The following MYO5C variants were observed in gnomAD, a reference collection of about 807,000 sequenced individuals.
The protein encoded by MYO5C is myosin VC.
MYO5C carries 194 observed loss-of-function variants against 235.7 expected under a neutral mutation model. The observed-to-expected ratio is 0.82, with a 90% CI of 0.73 to 0.93. The LOEUF is 0.93. MYO5C is among the 40% of genes least tolerant of loss of function. MYO5C has a pLI of 0.00. For synonymous variants in MYO5C, 707 were observed against 754.8 expected, an observed-to-expected ratio of 0.94 and a Z score of 1.04; for missense variants, 2,038 against 2,127.2, an observed-to-expected ratio of 0.96 and a Z score of 0.82.
intron 32 of MYO5C, among the ~76,000 whole-genome samples, chr15:52,215,670 G>A (rs929484165): frequency 2.6e-5 from 4 of 152,022 alleles, no homozygotes; most frequent in East Asian, 1.9e-4. Context: ...CTAATAAAAT[G>A]GGTCACCCAT....
At chr15:52,219,852 G>A (rs186611026) in intron 30 of MYO5C, 30 bp from the exon 31 acceptor site, 25 of 1,545,900 alleles carry the variant, frequency 1.6e-5, no homozygotes, top group Middle Eastern at 1.7e-4. Context: ...CAGTACTTTG[G>A]GGGGGCACAT....
At chr15:52,195,870 C>T (rs1056539196) in intron 39 of MYO5C, among the ~76,000 whole-genome samples, 4 of 150,836 alleles carry the variant, frequency 2.7e-5, no homozygotes, top group African/African-American at 9.8e-5. Context: ...ATGATCATGG[C>T]TCACTGCAGC....
At chr15:52,226,542 G>A (rs890788947) in intron 25 of MYO5C, among the ~76,000 whole-genome samples, 57 of 152,222 alleles carry the variant, frequency 3.7e-4, no homozygotes, top group African/African-American at 1.2e-3. Flanking sequence ...TCTACAGAGA[G>A]TAAGCAGGAG....
chr15:52,221,213 G>C lies in MYO5C; in HGVS notation c.3670C>G (p.Gln1224Glu). ...AGGCGGATTTCAAGATCTTGCTTCTGTTTCTCCAATTCTGAAATTTGCTGT... is the reference window on the plus strand; with the variant it reads ...AGGCGGATTTCAAGATCTTGCTTCTCTTTCTCCAATTCTGAAATTTGCTGT... ...FKQQISELEKQKQDLEIRLNE... is the reference protein window; with the variant it reads ...FKQQISELEKEKQDLEIRLNE... Residue 1224 changes from glutamine (Q) to glutamate (E), a missense_variant, in exon 30 of 41, where the codon CAG (glutamine) becomes GAG (glutamate). Gln to Glu is a conservative substitution (Grantham distance 29). Coordinates refer to ENST00000261839, the MANE Select transcript of MYO5C (RefSeq NM_018728.4). The C allele has an allele frequency of 6.2e-7, 1 of 1,613,042 alleles. No individual in the cohort carries two copies. The highest frequency in any genetic ancestry group is 8.5e-7 in the Non-Finnish European group (1 of 1,179,474).
chr15:52,234,899 G>A lies in MYO5C; in HGVS notation c.2962+771C>T, dbSNP rs142695866. Among the ~76,000 whole-genome samples the A allele has an allele frequency of 2.6e-5, 4 of 152,280 alleles. No homozygotes were observed. In the East Asian group the frequency reaches 7.7e-4, roughly 29 times the overall value. Reference sequence around the variant, plus strand: ...AGAATCCCCAGGCCTGAACCCTCGTGTTCCTGCTGCCCCCACGTTGGAGCT... The same window carrying A: ...AGAATCCCCAGGCCTGAACCCTCGTATTCCTGCTGCCCCCACGTTGGAGCT... On this transcript the variant is annotated intron_variant, in intron 23 of 40. Transcript: ENST00000261839.
intron 26 of MYO5C, 67 bp from the exon 27 acceptor site, chr15:52,225,205 C>A: frequency 6.5e-7 from 1 of 1,547,162 alleles, no homozygotes; most frequent in Non-Finnish European, 8.9e-7. Context: ...CATTCCCTTT[C>A]CAGGGCCCAG....
In MYO5C at chr15:52,211,753, T is replaced by C. The variant is rs764025562; in HGVS notation, c.4273A>G (p.Asn1425Asp). Reference sequence around the variant, plus strand: ...ACCTTAACCACCTGCTTGATGCCATTAATGGTGCTGTTCATGAGGGACTTC... The same window carrying C: ...ACCTTAACCACCTGCTTGATGCCATCAATGGTGCTGTTCATGAGGGACTTC... ...MLKSLMNSTI[N>D]GIKQVVKEHL... Residue 1425 changes from asparagine (N) to aspartate (D), a missense_variant, in exon 35 of 41, where the codon AAT becomes GAT. Asn to Asp is a conservative substitution (Grantham distance 23). Transcript: ENST00000261839. 2 of 1,613,880 alleles carry C rather than the reference T, an allele frequency of 1.2e-6. No individual in the cohort carries two copies. Among genetic ancestry groups the C allele is most frequent in the East Asian group, 2.2e-5 (1 of 44,884 alleles).
intron 36 of MYO5C, 48 bp from the exon 37 acceptor site, chr15:52,206,014 G>A: frequency 8.5e-7 from 1 of 1,177,148 alleles, no homozygotes; most frequent in South Asian, 1.8e-5. Flanking sequence ...CAAACATGTA[G>A]GAAATTAATA....
chr15:52,236,996 G>A (rs903678474), intron 22 of MYO5C: 1 of 134,762 alleles, frequency 7.4e-6, no homozygotes, highest in Non-Finnish European at 1.7e-5. Flanking sequence ...GAGAGGGTAA[G>A]GGACTTTAGC....
intron 32 of MYO5C, among the ~76,000 whole-genome samples, chr15:52,218,076 C>T (rs767562745): frequency 3.9e-5 from 6 of 152,188 alleles, no homozygotes; most frequent in Admixed American, 3.9e-4. Flanking sequence ...AGCCTTCCAT[C>T]GACATCATGA....
chr15:52,192,544 G>A lies in MYO5C; in HGVS notation c.*1358C>T, dbSNP rs991852131. 6.6e-6 allele frequency: 1 copy of A among 152,138 alleles called. No homozygotes were observed. Among genetic ancestry groups the A allele is most frequent in the African/African-American group, 2.4e-5 (1 of 41,408 alleles). 9.4% of individuals were successfully genotyped at this position (152,138 alleles called of 1,614,324 possible). A position where few individuals can be genotyped will look rare whatever the true frequency, so the allele number is the denominator to read the frequency against. On this transcript the variant is annotated 3_prime_UTR_variant, in exon 41 of 41. Coordinates refer to ENST00000261839, the MANE Select transcript of MYO5C (RefSeq NM_018728.4). ...CACCTGTGACTGTCAGAAACAGAAG[G>A]TGCAATTGGGATTCTTAGGTTGGTG... is the stretch of plus-strand genomic sequence containing the variant.
rs1257306628 is a variant in MYO5C at position 52,214,807 on chromosome 15, A to G, written c.3955-117T>C. On this transcript the variant is annotated intron_variant, in intron 32 of 40. Transcript: ENST00000261839. ...TGCATACCGTACAACTCACCCATTT[A>G]AAGTGTAAACTCAAAGGTTTTTTAG... 8.6e-6 allele frequency: 5 copies of G among 579,916 alleles called. No individual in the cohort carries two copies. The East Asian group carries it at 1.6e-4, about 18-fold the overall frequency. 35.9% of individuals were successfully genotyped at this position (579,916 alleles called of 1,614,324 possible).
At chr15:52,236,144 G>A (rs2036079660) in intron 22 of MYO5C, among the ~76,000 whole-genome samples, 1 of 152,212 alleles carries the variant, frequency 6.6e-6, no homozygotes, top group African/African-American at 2.4e-5. Context: ...TTCACACTTT[G>A]CAACTGTTAT....
At chr15:52,241,010 AT>A (rs1012968857) in intron 20 of MYO5C, among the ~76,000 whole-genome samples, 3 of 151,940 alleles carry the variant, frequency 2.0e-5, no homozygotes, top group African/African-American at 4.8e-5. Flanking sequence ...AAAGAAAATT[AT>A]TTTTTTGCCG....
intron 22 of MYO5C, chr15:52,237,220 G>A: frequency 3.2e-6 from 1 of 313,018 alleles, no homozygotes; most frequent in Non-Finnish European, 5.8e-6. Context: ...AGGGCTCTTT[G>A]GGCCTGTCAT....
chr15:52,285,476 C>G (rs899102527), intron 1 of MYO5C, among the ~76,000 whole-genome samples: 19 of 151,206 alleles, frequency 1.3e-4, no homozygotes, highest in Non-Finnish European at 2.4e-4. Flanking sequence ...CCTCCTCTCC[C>G]TCCTCTCCCT....
rs1422983987 is a variant in MYO5C at position 52,261,075 on chromosome 15, C to A, written c.1100G>T (p.Gly367Val). The change falls in exon 10 of 41, where the codon GGC becomes GTC. Residue 367 changes from glycine (G) to valine (V), a missense_variant. Coordinates refer to ENST00000261839, the MANE Select transcript of MYO5C (RefSeq NM_018728.4). ...VFCELLGLES[G>V]RVAQWLCNRK... ...ATTGCACAGCCACTGAGCAACTCTG[C>A]CACTCTCCAGGCCCAGGAGCTCACA... 6.2e-7 allele frequency: 1 copy of A among 1,614,184 alleles called. No individual in the cohort carries two copies. The highest frequency in any genetic ancestry group is 1.7e-5 in the Admixed American group (1 of 60,032).
At chr15:52,230,761 A>AG (rs2035931419) in intron 24 of MYO5C, among the ~76,000 whole-genome samples, 1 of 151,084 alleles carries the variant, frequency 6.6e-6, no homozygotes, top group Admixed American at 6.6e-5. Context: ...TTAAAAAAAA[A>AG]CTGCAGTGCT....
chr15:52,253,512 A>C (rs1596195463), intron 11 of MYO5C, 55 bp from the exon 12 acceptor site: 1 of 1,512,326 alleles, frequency 6.6e-7, no homozygotes, highest in East Asian at 2.3e-5. Flanking sequence ...ATACGTTTCC[A>C]AAGAGCAGGA....
Sources: allele counts gnomAD v4.1 joint callset (sites outside exome capture counted in the v4.1 genomes callset), GRCh38; gene constraint gnomAD v4.1.1; transcripts MANE v1.5; gene names NCBI Gene and HGNC (gene_info 2026-07-23, HGNC 2026-07-21).